GRIK2: variants seen among roughly 807,000 people sequenced by gnomAD.
GRIK2 encodes the protein glutamate ionotropic receptor kainate type subunit 2.
In GRIK2, 32 loss-of-function variants were observed where a neutral mutation model predicts 100.3. That is an observed-to-expected ratio of 0.32 (90% CI 0.24 to 0.43). The LOEUF is 0.43. GRIK2 is among the 20% of genes least tolerant of loss of function. The pLI is 1.00. For missense variants in GRIK2, 843 were observed against 1,114.9 expected, an observed-to-expected ratio of 0.76 and a Z score of 3.47; for synonymous variants, 417 against 389.4, an observed-to-expected ratio of 1.07 and a Z score of -0.83.
chr6:102,020,339 G>T (rs1330273176), intron 14 of GRIK2, among the ~76,000 whole-genome samples: 1 of 151,908 alleles, frequency 6.6e-6, no homozygotes, highest in African/African-American at 2.4e-5. Context: ...ATGGGATATT[G>T]TAGTAGGGAA....
chr6:101,563,040 G>A (rs1777093628), intron 2 of GRIK2, among the ~76,000 whole-genome samples: 1 of 152,158 alleles, frequency 6.6e-6, no homozygotes, highest in African/African-American at 2.4e-5. Flanking sequence ...GTTTGATAGG[G>A]CAGCTGCTCC....
chr6:101,649,723 C>T (rs1458236557), intron 4 of GRIK2, among the ~76,000 whole-genome samples: 3 of 152,008 alleles, frequency 2.0e-5, no homozygotes. Flanking sequence ...GTTCAAGGCA[C>T]CAGCAGTGTT....
At chr6:101,797,525 A>T (rs1053844987) in intron 7 of GRIK2, among the ~76,000 whole-genome samples, 1 of 150,136 alleles carries the variant, frequency 6.7e-6, no homozygotes, top group African/African-American at 2.4e-5. Context: ...CCCATATATA[A>T]GTATACATGC....
intron 2 of GRIK2, among the ~76,000 whole-genome samples, chr6:101,443,284 C>A (rs922724677): frequency 6.6e-6 from 1 of 151,992 alleles, no homozygotes; most frequent in Non-Finnish European, 1.5e-5. Context: ...AAACAGCTTA[C>A]TTGAAATAAA....
intron 14 of GRIK2, among the ~76,000 whole-genome samples, chr6:102,000,145 G>A (rs1452116152): frequency 6.6e-6 from 1 of 150,758 alleles, no homozygotes; most frequent in Admixed American, 6.6e-5. Flanking sequence ...GGTTATGTTT[G>A]TTTTATATCA....
At chr6:101,861,472 C>G (rs559459749) in intron 11 of GRIK2, among the ~76,000 whole-genome samples, 2 of 152,094 alleles carry the variant, frequency 1.3e-5, no homozygotes, top group Non-Finnish European at 2.9e-5. Context: ...TATACCAGTG[C>G]TTTCCTACCT....
At chr6:101,417,844 T>G (rs1043375031) in intron 2 of GRIK2, among the ~76,000 whole-genome samples, 4 of 152,240 alleles carry the variant, frequency 2.6e-5, no homozygotes, top group Non-Finnish European at 5.9e-5. Context: ...GTCAAGTTAC[T>G]CAACATTTGA....
intron 2 of GRIK2, among the ~76,000 whole-genome samples, chr6:101,400,962 G>A (rs182410013): frequency 1.8e-4 from 27 of 152,312 alleles, no homozygotes; most frequent in African/African-American, 5.5e-4. Context: ...AAACAGGTCC[G>A]TATACCATTG....
chr6:101,635,938 T>A (rs966819803), intron 4 of GRIK2, among the ~76,000 whole-genome samples: 1 of 152,152 alleles, frequency 6.6e-6, no homozygotes, highest in Non-Finnish European at 1.5e-5. Context: ...TGGAAGACAG[T>A]GTGGTGATTC....
At chr6:101,766,232 T>C (rs961472211) in intron 7 of GRIK2, among the ~76,000 whole-genome samples, 3 of 151,856 alleles carry the variant, frequency 2.0e-5, no homozygotes, top group African/African-American at 4.8e-5. Context: ...TTTGTTCAGG[T>C]TGCTTTTAGA....
At chr6:101,526,419 C>A (rs1291451117) in intron 2 of GRIK2, among the ~76,000 whole-genome samples, 1 of 152,014 alleles carries the variant, frequency 6.6e-6, no homozygotes, top group East Asian at 1.9e-4. Context: ...TAATGTTAAA[C>A]TAGAAAAAAT....
At chr6:101,789,843 G>T (rs1374916451) in intron 7 of GRIK2, among the ~76,000 whole-genome samples, 1 of 152,176 alleles carries the variant, frequency 6.6e-6, no homozygotes, top group Non-Finnish European at 1.5e-5. Flanking sequence ...CATGAGCATG[G>T]AATGTTCTTC....
Position 101,929,757 on chromosome 6 carries a change from A to C in GRIK2, c.2085+1125A>C, listed in dbSNP as rs573531196. ...TTTCTGGAGGACATCCAATTCCCCC[A>C]AAAATAAGATAAATTAGATTTAGTC... is the stretch of plus-strand genomic sequence containing the variant. On this transcript the variant is annotated intron_variant, in intron 14 of 16. Transcript: ENST00000369134. 5.1e-4 allele frequency among the ~76,000 whole-genome samples: 78 copies of C among 152,280 alleles called. No homozygotes were observed. In the East Asian group the frequency reaches 0.012, roughly 24 times the overall value.
chr6:101,819,102 A>C (rs2128422268), intron 10 of GRIK2, among the ~76,000 whole-genome samples: 1 of 152,272 alleles, frequency 6.6e-6, no homozygotes, highest in Non-Finnish European at 1.5e-5. Context: ...TCTTTTAATT[A>C]GATCACACAG....
intron 7 of GRIK2, among the ~76,000 whole-genome samples, chr6:101,797,184 A>G (rs1780361043): frequency 6.6e-6 from 1 of 152,068 alleles, no homozygotes; most frequent in African/African-American, 2.4e-5. Flanking sequence ...TTATCTTGGC[A>G]ATAACTGCTA....
chr6:101,447,594 C>G (rs1444562727), intron 2 of GRIK2, among the ~76,000 whole-genome samples: 1 of 151,582 alleles, frequency 6.6e-6, no homozygotes, highest in East Asian at 1.9e-4. Flanking sequence ...ATATAGATTT[C>G]TATGTATGTC....
chr6:101,944,673 T>C lies in GRIK2; in HGVS notation c.2085+16041T>C, dbSNP rs138887998. On this transcript the variant is annotated intron_variant, in intron 14 of 16. Transcript: ENST00000369134. ...TCACACTGAACAAAAGCAAACTAAATTGAATTTCAAAAGAAAAAAATATTT... is the reference window on the plus strand; with the variant it reads ...TCACACTGAACAAAAGCAAACTAAACTGAATTTCAAAAGAAAAAAATATTT... Among the ~76,000 whole-genome samples the C allele has an allele frequency of 3.9e-5, 6 of 152,262 alleles. No individual in the cohort carries two copies. In the East Asian group the frequency reaches 1.2e-3, roughly 29 times the overall value.
At chr6:101,687,836 G>T (rs1771806843) in intron 7 of GRIK2, among the ~76,000 whole-genome samples, 1 of 151,458 alleles carries the variant, frequency 6.6e-6, no homozygotes, top group Non-Finnish European at 1.5e-5. Context: ...AATTTTTATT[G>T]AGAGGAAAAT....
chr6:101,923,870 G>A (rs1158702149), intron 12 of GRIK2, among the ~76,000 whole-genome samples: 1 of 146,492 alleles, frequency 6.8e-6, no homozygotes, highest in African/African-American at 2.5e-5. Context: ...GCAGTGAGCC[G>A]AGATTGTGCC....
Sources: allele counts gnomAD v4.1 joint callset (sites outside exome capture counted in the v4.1 genomes callset), GRCh38; gene constraint gnomAD v4.1.1; transcripts MANE v1.5; gene names NCBI Gene and HGNC (gene_info 2026-07-23, HGNC 2026-07-21).